The following GRIK2 variants were observed in gnomAD, a reference collection of about 807,000 sequenced individuals.
The protein encoded by GRIK2 is glutamate receptor ionotropic, kainate 2.
In GRIK2, 32 loss-of-function variants were observed where a neutral mutation model predicts 100.3. That is an observed-to-expected ratio of 0.32 (90% confidence interval 0.24 to 0.43). The LOEUF (loss-of-function observed/expected upper bound fraction) is 0.43, where lower values mean the gene tolerates loss of function less well. Ranked by LOEUF, GRIK2 falls within the 20% of genes least tolerant of loss-of-function variation. The probability of loss-of-function intolerance (pLI) is 1.00; values close to 1 mark genes in which losing one functional copy is unlikely to be tolerated. For missense variants in GRIK2, 843 were observed against 1,114.9 expected, an observed-to-expected ratio of 0.76 and a Z score of 3.47; for synonymous variants, 417 against 389.4, an observed-to-expected ratio of 1.07 and a Z score of -0.83.
chr6:101,459,860 A>T (rs1384104562), intron 2 of GRIK2, among the ~76,000 whole-genome samples: 2 of 151,074 alleles, frequency 1.3e-5, no homozygotes, highest in African/African-American at 4.9e-5. Flanking sequence ...GGTTCAAGCG[A>T]TTCTCCTGCC....
At chr6:101,549,008 C>A (rs1261665707) in intron 2 of GRIK2, among the ~76,000 whole-genome samples, 1 of 151,976 alleles carries the variant, frequency 6.6e-6, no homozygotes, top group Non-Finnish European at 1.5e-5. Flanking sequence ...GTGTATGATG[C>A]TATGTTTATC....
At chr6:101,684,617 A>G (rs1217841954) in intron 6 of GRIK2, among the ~76,000 whole-genome samples, 1 of 152,182 alleles carries the variant, frequency 6.6e-6, no homozygotes, top group East Asian at 1.9e-4. Context: ...CTATAACAAA[A>G]GAGAGGTTGA....
chr6:101,541,428 AC>A (rs1775991302), intron 2 of GRIK2, among the ~76,000 whole-genome samples: 5 of 83,516 alleles, frequency 6.0e-5, no homozygotes, highest in Non-Finnish European at 2.4e-5. Context: ...ATACACACAC[AC>A]TACACCCTTA....
chr6:101,880,685 C>T (rs772392605), intron 11 of GRIK2, among the ~76,000 whole-genome samples: 15 of 151,828 alleles, frequency 9.9e-5, no homozygotes, highest in Non-Finnish European at 1.9e-4. Flanking sequence ...TGTCTTAGTT[C>T]CAAGTCTTAT....
rs554234618 is a variant in GRIK2, at chr6:101,537,799, T to C, written c.116-84150T>C. On this transcript the variant is annotated intron_variant, in intron 2 of 16. Coordinates refer to ENST00000369134, the MANE Select transcript of GRIK2 (RefSeq NM_021956.5). ...CTATTTTCGAGTGGACTGTTTTACA[T>C]ATGCCACTGCCATCAAACAAAGCAA... 7.9e-5 allele frequency among the ~76,000 whole-genome samples: 12 copies of C among 151,912 alleles called. No individual in the cohort carries two copies. The East Asian group carries it at 2.1e-3, about 27-fold the overall frequency.
At chr6:101,986,029 T>A (rs533006876) in intron 14 of GRIK2, among the ~76,000 whole-genome samples, 42 of 151,974 alleles carry the variant, frequency 2.8e-4, no homozygotes, top group African/African-American at 9.4e-4. Flanking sequence ...ACATGCATTT[T>A]ATACTATGAG....
chr6:101,478,868 A>G (rs1772390380), intron 2 of GRIK2, among the ~76,000 whole-genome samples: 1 of 151,970 alleles, frequency 6.6e-6, no homozygotes, highest in Admixed American at 6.6e-5. Flanking sequence ...CCATCTTTAC[A>G]TTCTTTGGTC....
In GRIK2 at chr6:101,960,048, GTTTTGT is replaced by G. The variant is rs1333607723; in HGVS notation, c.2085+31421_2085+31426del. On this transcript the variant is annotated intron_variant, in intron 14 of 16. Transcript: ENST00000369134. ...TTATTTCTCAAAGCCTTTTTTTAGT[GTTTTGT>G]TTTTTTTTTTTTGTCTGACTTGGTT... Among the ~76,000 whole-genome samples the G allele has an allele frequency of 3.4e-5, 4 of 118,256 alleles. No homozygotes were observed. The East Asian group carries it at 7.5e-4, about 22-fold the overall frequency. The allele number at this position is 118,256 out of a possible 152,430, so 77.6% of individuals were successfully genotyped here.
chr6:101,431,101 T>C, intron 2 of GRIK2: 1 of 257,386 alleles, frequency 3.9e-6, no homozygotes, highest in Admixed American at 4.0e-5. Flanking sequence ...ATGATCTGAG[T>C]CAACTTCTCT....
chr6:101,731,729 A>C (rs534358305), intron 7 of GRIK2, among the ~76,000 whole-genome samples: 1 of 152,038 alleles, frequency 6.6e-6, no homozygotes, highest in Non-Finnish European at 1.5e-5. Context: ...ATAGACTAGG[A>C]ATATGCAAAT....
intron 2 of GRIK2, among the ~76,000 whole-genome samples, chr6:101,453,266 C>T (rs969004631): frequency 4.6e-5 from 7 of 151,706 alleles, no homozygotes; most frequent in East Asian, 1.9e-4. Flanking sequence ...TTATCCATCC[C>T]TGGCAATTTC....
At chr6:101,698,846 G>A (rs978093677) in intron 7 of GRIK2, among the ~76,000 whole-genome samples, 2 of 152,090 alleles carry the variant, frequency 1.3e-5, no homozygotes, top group Non-Finnish European at 1.5e-5. Context: ...GCATTTAGAT[G>A]AGCATTTATC....
intron 5 of GRIK2, among the ~76,000 whole-genome samples, chr6:101,682,081 C>T (rs1489505673): frequency 6.6e-6 from 1 of 152,172 alleles, no homozygotes; most frequent in African/African-American, 2.4e-5. Flanking sequence ...TGGTAATTTA[C>T]ATTTCCTTCA....
At chr6:101,857,332 G>A (rs377587152) in intron 10 of GRIK2, among the ~76,000 whole-genome samples, 16 of 152,198 alleles carry the variant, frequency 1.1e-4, no homozygotes, top group Non-Finnish European at 2.1e-4. Context: ...TCTCTGACCA[G>A]GACTTCTCTA....
chr6:101,465,481 G>T (rs79318158), intron 2 of GRIK2, among the ~76,000 whole-genome samples: 14,562 of 152,190 alleles, frequency 0.096, 736 homozygotes, highest in South Asian at 0.11. Flanking sequence ...GTATTCTGTT[G>T]TATGTATGTT....
chr6:101,397,653 A>G (rs1198880469), intron 1 of GRIK2, among the ~76,000 whole-genome samples: 1 of 145,326 alleles, frequency 6.9e-6, no homozygotes, highest in Non-Finnish European at 1.5e-5. Context: ...TAAGGAAATG[A>G]AAACATTACA....
chr6:101,775,719 A>G (rs1437288674), intron 7 of GRIK2, among the ~76,000 whole-genome samples: 2 of 151,710 alleles, frequency 1.3e-5, no homozygotes, highest in African/African-American at 4.8e-5. Context: ...GCTGTATGGC[A>G]AAGTGTGAAG....
intron 12 of GRIK2, among the ~76,000 whole-genome samples, chr6:101,897,762 G>A (rs903080759): frequency 6.6e-6 from 1 of 151,952 alleles, no homozygotes; most frequent in South Asian, 2.1e-4. Context: ...CTTTCATTCT[G>A]TATGTCTTAA....
intron 7 of GRIK2, among the ~76,000 whole-genome samples, chr6:101,695,389 C>G (rs1337416): frequency 0.096 from 14,624 of 152,082 alleles, 1,011 homozygotes; most frequent in East Asian, 0.3. Context: ...AAAAGCCACA[C>G]CTTTTAATTC....
Sources: allele counts gnomAD v4.1 joint callset (sites outside exome capture counted in the v4.1 genomes callset), GRCh38; gene constraint gnomAD v4.1.1; transcripts MANE v1.5; gene names NCBI Gene and HGNC (gene_info 2026-07-23, HGNC 2026-07-21).